Variants in SV2B observed in about 807,000 individuals in gnomAD.
SV2B encodes the protein solute carrier family 22 member B2.
A neutral mutation model predicts 73.9 loss-of-function variants in SV2B; 41 were observed. The observed-to-expected ratio is 0.56, with a 90% confidence interval of 0.43 to 0.72. The LOEUF (loss-of-function observed/expected upper bound fraction) is 0.72, where lower values mean the gene tolerates loss of function less well. Ranked by LOEUF, SV2B falls within the 30% of genes least tolerant of loss-of-function variation. The pLI is 0.00. For missense variants in SV2B, 764 were observed against 857.8 expected, an observed-to-expected ratio of 0.89 and a Z score of 1.37; for synonymous variants, 314 against 314.2, an observed-to-expected ratio of 1.00 and a Z score of 0.01.
chr15:91,208,468 A>G (rs934334137), intron 1 of SV2B, among the ~76,000 whole-genome samples: 1 of 152,232 alleles, frequency 6.6e-6, no homozygotes, highest in African/African-American at 2.4e-5. Flanking sequence ...TTTCATATTC[A>G]TGGAACACAG....
At chr15:91,235,913 A>G (rs1427873179) in intron 2 of SV2B, among the ~76,000 whole-genome samples, 3 of 152,180 alleles carry the variant, frequency 2.0e-5, no homozygotes, top group African/African-American at 7.2e-5. Flanking sequence ...AGGGGGAGAG[A>G]GAGAAGACCG....
intron 1 of SV2B, among the ~76,000 whole-genome samples, chr15:91,147,085 G>A (rs1469115668): frequency 6.6e-6 from 1 of 152,174 alleles, no homozygotes; most frequent in Admixed American, 6.5e-5. Flanking sequence ...TGTCTCCAGT[G>A]CCTAGTAACA....
In SV2B at chr15:91,224,269, G is replaced by A. The variant is rs138295765; in HGVS notation, c.-391-1604G>A. Among the ~76,000 whole-genome samples the A allele has an allele frequency of 6.6e-6, 1 of 152,322 alleles. No individual in the cohort carries two copies. Among genetic ancestry groups the A allele is most frequent in the East Asian group, 1.9e-4 (1 of 5,182 alleles). ...AGTGGATTTCAGGTGTGACAGGGAG[G>A]CCTGTAAAGGTTGATGGGGTCTGTA... On this transcript the variant is annotated intron_variant, in intron 1 of 12. Transcript: ENST00000394232. This position sits in a 1 kb window ranked among gnomAD's most constrained non-coding sequence, Gnocchi z 4.9.
intron 1 of SV2B, among the ~76,000 whole-genome samples, chr15:91,217,900 TA>T (rs2046088901): frequency 6.6e-6 from 1 of 152,236 alleles, no homozygotes; most frequent in African/African-American, 2.4e-5. Flanking sequence ...CTGTCTCCAG[TA>T]GTCCAGTGGA....
chr15:91,163,571 A>G (rs1285616043), intron 1 of SV2B, among the ~76,000 whole-genome samples: 1 of 152,174 alleles, frequency 6.6e-6, no homozygotes, highest in Admixed American at 6.5e-5. Context: ...TCTTTTGAGA[A>G]GTGTCTGTTC....
In SV2B at chr15:91,129,421, G is replaced by A. The variant is rs1313722307; in HGVS notation, c.-392+29058G>A. Reference sequence around the variant, plus strand: ...ATCAATTGTCCGGAGATGGAACTGGGGGAGGAAGGAGCATTGAGGCTGAGT... The same window carrying A: ...ATCAATTGTCCGGAGATGGAACTGGAGGAGGAAGGAGCATTGAGGCTGAGT... On this transcript the variant is annotated intron_variant, in intron 1 of 12. Transcript: ENST00000394232. This position sits in a 1 kb window ranked among gnomAD's most constrained non-coding sequence, Gnocchi z 5.1. Among the ~76,000 whole-genome samples the A allele has an allele frequency of 1.3e-5, 2 of 152,236 alleles. No individual in the cohort carries two copies. The highest frequency in any genetic ancestry group is 2.9e-5 in the Non-Finnish European group (2 of 68,050).
chr15:91,161,440 A>T (rs1041000000), intron 1 of SV2B, among the ~76,000 whole-genome samples: 1 of 152,368 alleles, frequency 6.6e-6, no homozygotes, highest in African/African-American at 2.4e-5. Context: ...ATTTGACAAC[A>T]TAAGAATTTT....
chr15:91,176,096 G>A (rs1359444149), intron 1 of SV2B, among the ~76,000 whole-genome samples: 4 of 145,100 alleles, frequency 2.8e-5, no homozygotes, highest in Non-Finnish European at 3.0e-5. Context: ...GTGTCCATGT[G>A]TTCTCATTGT....
At position 91,141,030 on chromosome 15, in the gene SV2B, A is replaced by C. The variant is rs2042982163; in HGVS notation, c.-392+40667A>C. The stretch of plus-strand genomic sequence containing the variant: ...CATGATGGAAGCCAGAAGTGCTACA[A>C]GCACTCAGGTGGCAGGACTTATAGC... On this transcript the variant is annotated intron_variant, in intron 1 of 12. Coordinates refer to ENST00000394232, the MANE Select transcript of SV2B (RefSeq NM_001323032.3). The surrounding 1 kb of genome is among the most constrained non-coding windows in gnomAD (Gnocchi z 4.6). Among the ~76,000 whole-genome samples, 1 of 152,228 alleles carries C rather than the reference A, an allele frequency of 6.6e-6. No individual in the cohort carries two copies. Among genetic ancestry groups the C allele is most frequent in the Non-Finnish European group, 1.5e-5 (1 of 68,042 alleles).
intron 1 of SV2B, among the ~76,000 whole-genome samples, chr15:91,156,711 A>T (rs149446429): frequency 3.1e-4 from 47 of 152,230 alleles, no homozygotes; most frequent in African/African-American, 1.1e-3. Context: ...CAGACAAATC[A>T]TTTTCTATCA....
At chr15:91,213,468 T>C (rs1455303097) in intron 1 of SV2B, among the ~76,000 whole-genome samples, 1 of 152,120 alleles carries the variant, frequency 6.6e-6, no homozygotes, top group Non-Finnish European at 1.5e-5. Flanking sequence ...AAGGTAAAGG[T>C]ATGTATCTCC....
intron 6 of SV2B, among the ~76,000 whole-genome samples, chr15:91,263,117 C>G (rs2047970306): frequency 6.6e-6 from 1 of 152,162 alleles, no homozygotes; most frequent in African/African-American, 2.4e-5. Context: ...GACATAGGCA[C>G]ACATACAGAG....
At chr15:91,179,078 T>C (rs979343993) in intron 1 of SV2B, among the ~76,000 whole-genome samples, 8 of 151,946 alleles carry the variant, frequency 5.3e-5, no homozygotes, top group African/African-American at 1.5e-4. Context: ...GTCCCAGAGA[T>C]TCTGGTATGT....
chr15:91,170,380 C>G (rs1213139771), intron 1 of SV2B, among the ~76,000 whole-genome samples: 1 of 152,138 alleles, frequency 6.6e-6, no homozygotes, highest in Non-Finnish European at 1.5e-5. Flanking sequence ...CTCCACCTCC[C>G]GGGTTCAAGT....
At chr15:91,179,522 G>T (rs2044463475) in intron 1 of SV2B, among the ~76,000 whole-genome samples, 1 of 152,070 alleles carries the variant, frequency 6.6e-6, no homozygotes, top group African/African-American at 2.4e-5. Context: ...TATTGTGTGG[G>T]AGTCTAAGTC....
intron 1 of SV2B, among the ~76,000 whole-genome samples, chr15:91,168,389 T>A (rs2043997176): frequency 6.6e-6 from 1 of 150,950 alleles, no homozygotes; most frequent in African/African-American, 2.4e-5. Flanking sequence ...GGCCAATGAG[T>A]AGGATTTTCT....
rs553084937 is a variant in SV2B at position 91,239,920 on chromosome 15, A to G, written c.452-11899A>G. Among the ~76,000 whole-genome samples the G allele has an allele frequency of 1.4e-4, 21 of 152,268 alleles. No individual in the cohort carries two copies. In the South Asian group the frequency reaches 4.1e-3, roughly 30 times the overall value. On this transcript the variant is annotated intron_variant, in intron 2 of 12. Coordinates refer to ENST00000394232, the MANE Select transcript of SV2B (RefSeq NM_001323032.3). The surrounding 1 kb of genome is among the most constrained non-coding windows in gnomAD (Gnocchi z 5.1). ...TAAGTCCCCCGATAATGGCTTTCCA[A>G]TCACCTGGCAGGTGTCCACCAAGTC... is the stretch of plus-strand genomic sequence containing the variant.
rs1470350145 is a variant in SV2B at position 91,226,167 on chromosome 15, C to A, written c.-97C>A. The A allele has an allele frequency of 2.5e-6, 3 of 1,184,990 alleles. No individual in the cohort carries two copies. In the African/African-American group the frequency reaches 4.7e-5, roughly 18 times the overall value. The allele number at this position is 1,184,990 out of a possible 1,614,324, so 73.4% of individuals were successfully genotyped here. A position where few individuals can be genotyped will look rare whatever the true frequency, so the allele number is the denominator to read the frequency against. On this transcript the variant is annotated 5_prime_UTR_variant, in exon 2 of 13. Coordinates refer to ENST00000394232, the MANE Select transcript of SV2B (RefSeq NM_001323032.3). ...CACATGAACATATTTCACATTTGAACTACATAATGAATGATGGTTATTGAA... is the reference window on the plus strand; with the variant it reads ...CACATGAACATATTTCACATTTGAAATACATAATGAATGATGGTTATTGAA...
intron 6 of SV2B, among the ~76,000 whole-genome samples, chr15:91,263,902 C>T (rs1159688916): frequency 6.6e-6 from 1 of 152,262 alleles, no homozygotes; most frequent in Non-Finnish European, 1.5e-5. Context: ...TAAAACAGTT[C>T]CTCCTTGCTT....
Sources: gnomAD v4.1 joint callset for allele counts (sites outside exome capture counted in the v4.1 genomes callset) on GRCh38, gnomAD v4.1.1 for gene constraint, Gnocchi (gnomAD v3.1) non-coding constraint, MANE v1.5 for transcripts, NCBI Gene and HGNC (gene_info 2026-07-23, HGNC 2026-07-21) for gene names.